EYS: variants seen among roughly 807,000 people sequenced by gnomAD.
EYS encodes EGF-like photoreceptor maintenance factor.
Under a neutral mutation model 282.1 loss-of-function variants are expected in EYS, and 250 were observed. The ratio of observed to expected loss-of-function variants is 0.89; its 90% CI spans 0.80 to 0.98. The LOEUF is 0.98. Ranked by LOEUF, EYS falls within the 50% of genes least tolerant of loss-of-function variation. The pLI is 0.00. For synonymous variants in EYS, 1,355 were observed against 1,282.9 expected (o/e 1.06, Z -1.20); for missense variants, 4,016 against 3,709.0 (o/e 1.08, Z -2.15).
chr6:64,004,291 C>A (rs1180811951), intron 33 of EYS, among the ~76,000 whole-genome samples: 1 of 151,502 alleles, frequency 6.6e-6, no homozygotes, highest in Non-Finnish European at 1.5e-5. Context: ...GAATATATTT[C>A]TTTTTTGTGT....
At chr6:64,162,542 T>G (rs917729864) in intron 31 of EYS, among the ~76,000 whole-genome samples, 1 of 152,078 alleles carries the variant, frequency 6.6e-6, no homozygotes, top group African/African-American at 2.4e-5. Flanking sequence ...TCTGCTAAAA[T>G]CATATAGGGA....
chr6:63,830,162 C>T (rs553995233), intron 36 of EYS, among the ~76,000 whole-genome samples: 148 of 152,314 alleles, frequency 9.7e-4, no homozygotes, highest in African/African-American at 3.4e-3. Flanking sequence ...TGTCTCTTCT[C>T]CTCCAAAGGA....
chr6:64,102,882 A>G (rs1007312798), intron 31 of EYS, among the ~76,000 whole-genome samples: 3 of 151,634 alleles, frequency 2.0e-5, no homozygotes, highest in African/African-American at 7.3e-5. Context: ...CCTTTCAGAA[A>G]TACAAACATA....
intron 11 of EYS, among the ~76,000 whole-genome samples, chr6:65,310,439 C>T (rs1403185530): frequency 2.0e-5 from 3 of 151,982 alleles, no homozygotes; most frequent in Non-Finnish European, 4.4e-5. Context: ...CTGCCTGCCT[C>T]TGAGTACCCA....
At chr6:65,122,027 A>G (rs1293339392) in intron 12 of EYS, among the ~76,000 whole-genome samples, 1 of 152,132 alleles carries the variant, frequency 6.6e-6, no homozygotes, top group Non-Finnish European at 1.5e-5. Context: ...TATATTTAAA[A>G]TGACTTAAGA....
intron 38 of EYS, among the ~76,000 whole-genome samples, chr6:63,788,726 C>G (rs755766066): frequency 6.6e-6 from 1 of 152,200 alleles, no homozygotes; most frequent in Non-Finnish European, 1.5e-5. Flanking sequence ...ATCCCCCAAC[C>G]TAAAAACCAT....
At chr6:64,696,834 G>T (rs1437091616) in intron 22 of EYS, among the ~76,000 whole-genome samples, 3 of 152,210 alleles carry the variant, frequency 2.0e-5, no homozygotes, top group East Asian at 1.9e-4. Flanking sequence ...TACAAGAAAT[G>T]CCCAAAGGTG....
rs187685675 is a variant in EYS at position 65,164,149 on chromosome 6, C to G, written c.2024-106422G>C. ...AAAGATTCTCAGGGGAAAAAGTATA[C>G]ATTTATACATTTGTAAACTGCATAT... is the stretch of plus-strand genomic sequence containing the variant. On this transcript the variant is annotated intron_variant, in intron 12 of 42. Coordinates refer to ENST00000503581, the MANE Select transcript of EYS (RefSeq NM_001142800.2). 2.0e-5 allele frequency among the ~76,000 whole-genome samples: 3 copies of G among 151,430 alleles called. No homozygotes were observed. In the South Asian group the frequency reaches 6.2e-4, roughly 31 times the overall value.
chr6:64,972,507 C>T (rs1426494964), intron 14 of EYS, among the ~76,000 whole-genome samples: 1 of 152,006 alleles, frequency 6.6e-6, no homozygotes, highest in Non-Finnish European at 1.5e-5. Context: ...CTCACTCTAG[C>T]CAATCCCTCC....
At chr6:63,763,072 A>G (rs948612942) in intron 40 of EYS, among the ~76,000 whole-genome samples, 1 of 152,156 alleles carries the variant, frequency 6.6e-6, no homozygotes, top group Admixed American at 6.6e-5. Flanking sequence ...GGGGTTGCCA[A>G]AAGAGCTGCA....
At chr6:65,192,290 ACT>A (rs2150240451) in intron 12 of EYS, among the ~76,000 whole-genome samples, 1 of 58,112 alleles carries the variant, frequency 1.7e-5, no homozygotes, top group African/African-American at 7.1e-5. Context: ...AGCTTTTTCT[ACT>A]CTGTGTGTGT....
In EYS at chr6:64,978,061, G is replaced by A. The variant is rs147097327; in HGVS notation, c.2259+19521C>T. 2.2e-4 allele frequency among the ~76,000 whole-genome samples: 34 copies of A among 152,082 alleles called. No homozygotes were observed. The East Asian group carries it at 6.0e-3, about 27-fold the overall frequency. ...GATCTAGCTAAGATGATTGATGAAG[G>A]TGACTACACTAAACAACACATTTCC... is the stretch of plus-strand genomic sequence containing the variant. On this transcript the variant is annotated intron_variant, in intron 14 of 42. Coordinates refer to ENST00000503581, the MANE Select transcript of EYS (RefSeq NM_001142800.2).
intron 1 of EYS, among the ~76,000 whole-genome samples, chr6:65,659,543 T>A (rs1431263235): frequency 6.6e-6 from 1 of 151,720 alleles, no homozygotes; most frequent in Non-Finnish European, 1.5e-5. Flanking sequence ...CTGGAGTATA[T>A]ATACTGTTCC....
intron 26 of EYS, among the ~76,000 whole-genome samples, chr6:64,586,583 A>G (rs1272527079): frequency 2.0e-5 from 3 of 152,086 alleles, no homozygotes; most frequent in Non-Finnish European, 2.9e-5. Flanking sequence ...CTTTTCAGAA[A>G]GAAAAAACAA....
At chr6:65,117,518 G>T (rs371510043) in intron 12 of EYS, among the ~76,000 whole-genome samples, 1 of 152,016 alleles carries the variant, frequency 6.6e-6, no homozygotes, top group African/African-American at 2.4e-5. Context: ...TATCTGTCCC[G>T]CAGTCAATTG....
chr6:65,094,922 G>T (rs528939048), intron 12 of EYS, among the ~76,000 whole-genome samples: 4 of 151,154 alleles, frequency 2.6e-5, no homozygotes, highest in South Asian at 2.1e-4. Context: ...TAAAGAGTTG[G>T]TTTTCTGAAA....
At chr6:64,023,069 A>C (rs561072579) in intron 33 of EYS, among the ~76,000 whole-genome samples, 1 of 152,340 alleles carries the variant, frequency 6.6e-6, no homozygotes, top group South Asian at 2.1e-4. Flanking sequence ...GAATTTGCCC[A>C]TTCCATATAG....
chr6:64,495,814 ATC>A (rs1252004723), intron 26 of EYS, among the ~76,000 whole-genome samples: 2 of 151,900 alleles, frequency 1.3e-5, no homozygotes, highest in Non-Finnish European at 2.9e-5. Context: ...TTCTAAATAC[ATC>A]TGTCATTTCA....
At chr6:64,109,175 GTAAC>G (rs779823562) in intron 31 of EYS, among the ~76,000 whole-genome samples, 2 of 152,066 alleles carry the variant, frequency 1.3e-5, no homozygotes, top group South Asian at 2.1e-4. Context: ...GCAATATGAA[GTAAC>G]TAACTCTGTA....
Sources: allele counts gnomAD v4.1 joint callset (sites outside exome capture counted in the v4.1 genomes callset), GRCh38; gene constraint gnomAD v4.1.1; transcripts MANE v1.5; gene names NCBI Gene and HGNC (gene_info 2026-07-23, HGNC 2026-07-21).